The following ZFPM2 variants were observed in gnomAD, a reference collection of about 807,000 sequenced individuals.
The protein encoded by ZFPM2 is zinc finger protein ZFPM2.
Under a neutral mutation model 98.6 loss-of-function variants are expected in ZFPM2, and 20 were observed. That is an observed-to-expected ratio of 0.20 (90% CI 0.14 to 0.29). The LOEUF (loss-of-function observed/expected upper bound fraction) is 0.29. Among genes scored for constraint, ZFPM2 ranks in the 10% least tolerant of loss-of-function variants. The pLI, the probability that ZFPM2 is intolerant of heterozygous loss-of-function variation, is 1.00. For missense variants in ZFPM2, 1,310 were observed against 1,388.6 expected (o/e 0.94, Z 0.90); for synonymous variants, 518 against 502.7 (o/e 1.03, Z -0.41).
intron 5 of ZFPM2, among the ~76,000 whole-genome samples, chr8:105,706,241 A>C (rs1811257710): frequency 6.6e-6 from 1 of 152,158 alleles, no homozygotes; most frequent in African/African-American, 2.4e-5. Context: ...CATACATAGG[A>C]TTTGTGAAAA....
chr8:105,693,443 A>G (rs983354216), intron 5 of ZFPM2, among the ~76,000 whole-genome samples: 1 of 152,212 alleles, frequency 6.6e-6, no homozygotes, highest in Admixed American at 6.5e-5. Context: ...GTTAATGCTG[A>G]GGTCTCAGCC....
chr8:105,622,073 T>G (rs13254383), intron 4 of ZFPM2, among the ~76,000 whole-genome samples: 30,806 of 151,854 alleles, frequency 0.2, 3,171 homozygotes, highest in South Asian at 0.26. Flanking sequence ...TAATTGGAAT[T>G]ATTTTATATA....
intron 4 of ZFPM2, among the ~76,000 whole-genome samples, chr8:105,581,185 T>C (rs1000853406): frequency 2.6e-5 from 4 of 152,152 alleles, no homozygotes; most frequent in African/African-American, 9.7e-5. Flanking sequence ...TAATTGTTAA[T>C]GAGTTTAAAA....
chr8:105,742,120 C>T (rs887828022), intron 5 of ZFPM2, among the ~76,000 whole-genome samples: 1 of 151,454 alleles, frequency 6.6e-6, no homozygotes, highest in African/African-American at 2.4e-5. Flanking sequence ...TGGATGGAGG[C>T]CAAGGCAAGA....
intron 4 of ZFPM2, among the ~76,000 whole-genome samples, chr8:105,600,707 A>G (rs1468704362): frequency 1.3e-5 from 2 of 151,968 alleles, no homozygotes; most frequent in Non-Finnish European, 2.9e-5. Flanking sequence ...GGATAATCAT[A>G]TGATGATTAT....
intron 5 of ZFPM2, among the ~76,000 whole-genome samples, chr8:105,771,672 C>T (rs1274456909): frequency 6.6e-6 from 1 of 152,148 alleles, no homozygotes; most frequent in Non-Finnish European, 1.5e-5. Flanking sequence ...AGATCACCCA[C>T]TCATCTGCAA....
intron 5 of ZFPM2, among the ~76,000 whole-genome samples, chr8:105,750,419 G>C (rs1013912311): frequency 3.3e-5 from 5 of 151,728 alleles, no homozygotes; most frequent in Admixed American, 6.6e-5. Flanking sequence ...GCTACTAAAG[G>C]GTTTTTAAAA....
chr8:105,626,335 A>G (rs767496909), intron 4 of ZFPM2, among the ~76,000 whole-genome samples: 1 of 152,184 alleles, frequency 6.6e-6, no homozygotes, highest in Non-Finnish European at 1.5e-5. Context: ...AAATTTTCAA[A>G]TTCAATTCAC....
chr8:105,378,743 G>A (rs1249352261), intron 1 of ZFPM2, among the ~76,000 whole-genome samples: 10 of 152,142 alleles, frequency 6.6e-5, no homozygotes, highest in Non-Finnish European at 1.5e-4. Context: ...GTTTAGAGAG[G>A]ATGGTAGTCT....
intron 1 of ZFPM2, among the ~76,000 whole-genome samples, chr8:105,413,480 CATTATA>C (rs1367569579): frequency 1.7e-5 from 2 of 120,506 alleles, no homozygotes; most frequent in African/African-American, 6.4e-5. Context: ...ACAATTCAAA[CATTATA>C]TATATATATA....
chr8:105,482,879 T>C (rs1246793816), intron 3 of ZFPM2, among the ~76,000 whole-genome samples: 1 of 150,450 alleles, frequency 6.6e-6, no homozygotes, highest in African/African-American at 2.5e-5. Flanking sequence ...TAATCTTTCT[T>C]TCCTTCCTTC....
At chr8:105,431,708 G>T (rs1812023101) in intron 2 of ZFPM2, among the ~76,000 whole-genome samples, 1 of 152,030 alleles carries the variant, frequency 6.6e-6, no homozygotes, top group Non-Finnish European at 1.5e-5. Context: ...GAGTCCAGGA[G>T]TTTGACACCA....
rs377711458 is a variant in ZFPM2, at chr8:105,494,348, C to T, written c.301+49967C>T. On this transcript the variant is annotated intron_variant, in intron 3 of 7. Transcript: ENST00000407775. The stretch of plus-strand genomic sequence containing the variant: ...ATCTATCCATTCCGCACGCTTAAGA[C>T]CCAGGTGTCATCCTCGACTCTTGGG... 1.6e-4 allele frequency among the ~76,000 whole-genome samples: 24 copies of T among 151,420 alleles called. No homozygotes were observed. The South Asian group carries it at 5.0e-3, about 32-fold the overall frequency.
chr8:105,573,767 A>G (rs1815406396), intron 4 of ZFPM2, among the ~76,000 whole-genome samples: 1 of 152,148 alleles, frequency 6.6e-6, no homozygotes, highest in Admixed American at 6.5e-5. Flanking sequence ...ATTTTGAGAA[A>G]TATACACCCA....
At chr8:105,434,453 A>G (rs566052693) in intron 2 of ZFPM2, among the ~76,000 whole-genome samples, 1 of 152,310 alleles carries the variant, frequency 6.6e-6, no homozygotes, top group South Asian at 2.1e-4. Flanking sequence ...TTGACTGTTG[A>G]AGTCCTTTAA....
intron 1 of ZFPM2, among the ~76,000 whole-genome samples, chr8:105,415,912 T>C (rs1451323600): frequency 6.6e-6 from 1 of 152,086 alleles, no homozygotes; most frequent in Non-Finnish European, 1.5e-5. Context: ...TGGCCTGTTT[T>C]AAATATTGGC....
At chr8:105,508,285 G>A (rs1036215253) in intron 3 of ZFPM2, among the ~76,000 whole-genome samples, 1 of 152,042 alleles carries the variant, frequency 6.6e-6, no homozygotes, top group Non-Finnish European at 1.5e-5. Flanking sequence ...ATTCCTGCTG[G>A]AAACTTATCA....
intron 5 of ZFPM2, among the ~76,000 whole-genome samples, chr8:105,645,722 G>A (rs1308734242): frequency 6.6e-6 from 1 of 152,128 alleles, no homozygotes; most frequent in Non-Finnish European, 1.5e-5. Flanking sequence ...GCTGATCGAG[G>A]TGGTGAAATA....
At chr8:105,505,156 A>G (rs955461492) in intron 3 of ZFPM2, among the ~76,000 whole-genome samples, 5 of 152,170 alleles carry the variant, frequency 3.3e-5, no homozygotes, top group African/African-American at 1.2e-4. Context: ...TTTCAGCTGT[A>G]AAATGAAAGA....
Sources: gnomAD v4.1 joint callset for allele counts (sites outside exome capture counted in the v4.1 genomes callset) on GRCh38, gnomAD v4.1.1 for gene constraint, MANE v1.5 for transcripts, NCBI Gene and HGNC (gene_info 2026-07-23, HGNC 2026-07-21) for gene names.